The following LUZP2 variants were observed in gnomAD, a reference collection of about 807,000 sequenced individuals.
The protein encoded by LUZP2 is leucine zipper protein 2.
A neutral mutation model predicts 51.6 loss-of-function variants in LUZP2; 52 were observed. The observed-to-expected ratio is 1.01, with a 90% confidence interval of 0.81 to 1.27. The LOEUF (loss-of-function observed/expected upper bound fraction) is 1.27, where lower values mean the gene tolerates loss of function less well. Among genes scored for constraint, LUZP2 ranks in the 50% most tolerant of loss-of-function variants. The pLI is 0.00. For missense variants in LUZP2, 436 were observed against 395.4 expected (o/e 1.10, Z -0.87); for synonymous variants, 154 against 137.3 (o/e 1.12, Z -0.85).
chr11:25,011,148 T>C (rs1427418262), intron 9 of LUZP2, among the ~76,000 whole-genome samples: 28 of 152,154 alleles, frequency 1.8e-4, no homozygotes, highest in Non-Finnish European at 1.3e-4. Context: ...GTTTCCTTAA[T>C]TTTTAGCACA....
intron 1 of LUZP2, among the ~76,000 whole-genome samples, chr11:24,502,138 C>A (rs1429044912): frequency 7.2e-6 from 1 of 139,734 alleles, no homozygotes; most frequent in Non-Finnish European, 1.5e-5. Context: ...CCTAAGTACT[C>A]AACAAAGGTT....
intron 5 of LUZP2, chr11:24,893,433 CACAT>C (rs1852919519): frequency 6.6e-6 from 1 of 152,090 alleles, no homozygotes; most frequent in Non-Finnish European, 1.5e-5. Context: ...CACACATACA[CACAT>C]ACATTCACAC....
rs185342310 is a variant in LUZP2 at position 24,947,404 on chromosome 11, G to A, written c.523-29187G>A. Among the ~76,000 whole-genome samples, 415 of 151,874 alleles carry A rather than the reference G, an allele frequency of 2.7e-3. 1 individual carries two copies. Among genetic ancestry groups the A allele is most frequent in the African/African-American group, 9.2e-3 (381 of 41,482 alleles). On this transcript the variant is annotated intron_variant, in intron 7 of 11. Transcript: ENST00000336930. ...AGAGGTAGAAAGGGAGGCAGTAGAG[G>A]CAGACACACTGAATAGCTTACACTA...
chr11:25,037,094 T>A (rs1052065345), intron 9 of LUZP2, among the ~76,000 whole-genome samples: 1 of 152,176 alleles, frequency 6.6e-6, no homozygotes, highest in Non-Finnish European at 1.5e-5. Context: ...TCTACATCTT[T>A]TTTTAGGCCA....
chr11:24,812,591 A>G (rs918890860), intron 5 of LUZP2, among the ~76,000 whole-genome samples: 5 of 152,202 alleles, frequency 3.3e-5, no homozygotes, highest in Admixed American at 2.6e-4. Flanking sequence ...TAATGTAAAT[A>G]TTGGTAAGAT....
rs555212914 is a variant in LUZP2 at position 24,530,505 on chromosome 11, A to G, written c.62+33200A>G. 7.3e-5 allele frequency among the ~76,000 whole-genome samples: 11 copies of G among 150,924 alleles called. No homozygotes were observed. The South Asian group carries it at 1.4e-3, about 20-fold the overall frequency. ...CATAAACACCCTGCTTTGATCTCAC[A>G]TTCTGTGTAGCTACTGTCACCATTT... On this transcript the variant is annotated intron_variant, in intron 1 of 11. Coordinates refer to ENST00000336930, the MANE Select transcript of LUZP2 (RefSeq NM_001009909.4).
chr11:24,936,660 G>A (rs1038785379), intron 7 of LUZP2, among the ~76,000 whole-genome samples: 1 of 151,664 alleles, frequency 6.6e-6, no homozygotes, highest in Non-Finnish European at 1.5e-5. Flanking sequence ...TGTCTATAAA[G>A]TAATGTGTGT....
chr11:24,880,388 T>C (rs978459622), intron 5 of LUZP2, among the ~76,000 whole-genome samples: 2 of 152,176 alleles, frequency 1.3e-5, no homozygotes, highest in Admixed American at 1.3e-4. Flanking sequence ...CTTTCAGTGA[T>C]ATGAAGTTAA....
At chr11:25,005,773 G>A (rs1565217885) in intron 9 of LUZP2, among the ~76,000 whole-genome samples, 4 of 151,926 alleles carry the variant, frequency 2.6e-5, no homozygotes, top group South Asian at 4.2e-4. Context: ...CCTTACCAAC[G>A]CATTCTCGAA....
intron 1 of LUZP2, among the ~76,000 whole-genome samples, chr11:24,601,022 T>C (rs1440139169): frequency 1.3e-5 from 2 of 152,138 alleles, no homozygotes; most frequent in Non-Finnish European, 2.9e-5. Flanking sequence ...ATGATCTGAT[T>C]GAACCCAATC....
rs79487737 is a variant in LUZP2 at position 24,794,838 on chromosome 11, T to C, written c.396+31530T>C. ...ATAAGATACCATATCATCAATCAAA[T>C]AGAAGAATAAATATGACATTCAAAA... is the stretch of plus-strand genomic sequence containing the variant. On this transcript the variant is annotated intron_variant, in intron 5 of 11. Coordinates refer to ENST00000336930, the MANE Select transcript of LUZP2 (RefSeq NM_001009909.4). Among the ~76,000 whole-genome samples, 395 of 152,206 alleles carry C rather than the reference T, an allele frequency of 2.6e-3. 4 individuals are homozygous for C. The highest frequency in any genetic ancestry group is 8.8e-3 in the African/African-American group (367 of 41,544).
intron 9 of LUZP2, among the ~76,000 whole-genome samples, chr11:25,001,231 C>T (rs1565211873): frequency 6.6e-6 from 1 of 152,198 alleles, no homozygotes; most frequent in Non-Finnish European, 1.5e-5. Flanking sequence ...TGGCTCCTTC[C>T]TGATTCTGTA....
intron 1 of LUZP2, among the ~76,000 whole-genome samples, chr11:24,697,827 C>G (rs1411934318): frequency 6.6e-6 from 1 of 152,068 alleles, no homozygotes; most frequent in African/African-American, 2.4e-5. Flanking sequence ...CATTATAAAG[C>G]CTAAGGTTGG....
At chr11:24,993,868 G>C (rs1565201847) in intron 9 of LUZP2, among the ~76,000 whole-genome samples, 3 of 151,616 alleles carry the variant, frequency 2.0e-5, no homozygotes, top group Admixed American at 6.6e-5. Context: ...TTTTTTTGGG[G>C]GGGGTGTGGG....
intron 1 of LUZP2, among the ~76,000 whole-genome samples, chr11:24,628,929 T>C (rs1369924754): frequency 2.0e-5 from 3 of 152,074 alleles, no homozygotes; most frequent in African/African-American, 7.2e-5. Context: ...TATACACGTA[T>C]AGATATGCAT....
intron 5 of LUZP2, among the ~76,000 whole-genome samples, chr11:24,900,164 C>G (rs1853229367): frequency 6.6e-6 from 1 of 152,122 alleles, no homozygotes; most frequent in Non-Finnish European, 1.5e-5. Context: ...TTGTTATCTT[C>G]TAAGAGTATT....
At chr11:24,680,974 T>TTTA (rs1491329255) in intron 1 of LUZP2, among the ~76,000 whole-genome samples, 1 of 924 alleles carries the variant, frequency 1.1e-3, no homozygotes, top group African/African-American at 3.1e-3. Flanking sequence ...TCTTTCTTTA[T>TTTA]TTTTTTTTTT....
At chr11:24,715,929 G>T (rs1433810855) in intron 1 of LUZP2, among the ~76,000 whole-genome samples, 1 of 151,862 alleles carries the variant, frequency 6.6e-6, no homozygotes, top group African/African-American at 2.4e-5. Flanking sequence ...TAGGGTTGAC[G>T]ACTATTTTCA....
intron 1 of LUZP2, among the ~76,000 whole-genome samples, chr11:24,519,516 A>C (rs1381327163): frequency 2.0e-5 from 3 of 152,226 alleles, no homozygotes; most frequent in African/African-American, 7.2e-5. Context: ...CAGAAATGAA[A>C]TTGTGTGGTG....
Sources: gnomAD v4.1 joint callset for allele counts (sites outside exome capture counted in the v4.1 genomes callset) on GRCh38, gnomAD v4.1.1 for gene constraint, MANE v1.5 for transcripts, NCBI Gene and HGNC (gene_info 2026-07-23, HGNC 2026-07-21) for gene names.